WFDC1: variants seen among roughly 807,000 people sequenced by gnomAD.
WFDC1 encodes WAP four-disulfide core domain protein 1.
Under a neutral mutation model 32.9 loss-of-function variants are expected in WFDC1, and 39 were observed. The observed-to-expected ratio is 1.19, with a 90% CI of 0.92 to 1.55. The LOEUF is 1.55. Ranked by LOEUF, WFDC1 falls within the 40% of genes most tolerant of loss-of-function variation. The pLI, the probability that WFDC1 is intolerant of heterozygous loss-of-function variation, is 0.00. For missense variants in WFDC1, 386 were observed against 309.5 expected, an observed-to-expected ratio of 1.25 and a Z score of -1.85; for synonymous variants, 184 against 137.4, an observed-to-expected ratio of 1.34 and a Z score of -2.37.
intron 1 of WFDC1, among the ~76,000 whole-genome samples, chr16:84,303,021 CTTT>C (rs35785853): frequency 2.4e-4 from 33 of 135,044 alleles, no homozygotes; most frequent in Admixed American, 3.8e-4. Flanking sequence ...TTCTTTCTTT[CTTT>C]TTTTTTTTTT....
chr16:84,297,389 G>A (rs939420336), intron 1 of WFDC1, among the ~76,000 whole-genome samples: 6 of 152,068 alleles, frequency 3.9e-5, no homozygotes, highest in East Asian at 1.9e-4. Context: ...AGGCCGAGGC[G>A]GGTGGATCAC....
chr16:84,318,062 G>A, intron 2 of WFDC1: 1 of 538,386 alleles, frequency 1.9e-6, no homozygotes, highest in Non-Finnish European at 3.4e-6. Flanking sequence ...AGGCAGGGAA[G>A]GCTAGTCCCC....
At chr16:84,326,129 CCATT>C (rs1908585934) in intron 5 of WFDC1, 2 of 127,986 alleles carry the variant, frequency 1.6e-5, no homozygotes, top group South Asian at 5.2e-4. Context: ...ATCCATCCAT[CCATT>C]CATCTACCCA....
At position 84,326,907 on chromosome 16, in the gene WFDC1, A is replaced by G; in HGVS notation, c.630A>G (p.Glu210=). The G allele has an allele frequency of 1.2e-6, 2 of 1,614,122 alleles. No homozygotes were observed. The highest frequency in any genetic ancestry group is 1.7e-6 in the Non-Finnish European group (2 of 1,180,026). The change falls in exon 6 of 7, where the codon GAA becomes GAG. Residue 210 remains glutamate, a synonymous_variant. Transcript: ENST00000219454. ...YPEGDSKNVA[E]PGRGQQKHFQ ...AAGGTGACTCAAAGAATGTGGCAGA[A>G]CCTGGAAGGGGACAACAGAAGCACT...
At chr16:84,311,695 C>CTTTT (rs67144104) in intron 1 of WFDC1, among the ~76,000 whole-genome samples, 2,193 of 73,414 alleles carry the variant, frequency 0.03, 164 homozygotes, top group Non-Finnish European at 0.042. Flanking sequence ...TGCCTGACTG[C>CTTTT]TTTTTTTTTT....
intron 4 of WFDC1, among the ~76,000 whole-genome samples, chr16:84,323,941 C>T (rs1255160085): frequency 1.1e-4 from 17 of 152,136 alleles, no homozygotes; most frequent in African/African-American, 3.1e-4. Flanking sequence ...ACCAACATGG[C>T]GATACCCCAT....
chr16:84,308,781 C>T (rs1230641746), intron 1 of WFDC1, among the ~76,000 whole-genome samples: 1 of 151,978 alleles, frequency 6.6e-6, no homozygotes, highest in Non-Finnish European at 1.5e-5. Context: ...GTGTAGACGC[C>T]ATGCTGAGTG....
At position 84,318,358 on chromosome 16, in the gene WFDC1, A is replaced by G; in HGVS notation, c.421+3A>G. Reference sequence around the variant, plus strand: ...TGGCCCTGAGGAGGTGTTACAAGGTACCTGCCGGGTAAAGCCCAGACCCTA... The same window carrying G: ...TGGCCCTGAGGAGGTGTTACAAGGTGCCTGCCGGGTAAAGCCCAGACCCTA... On this transcript the variant is annotated splice_donor_region_variant and intron_variant, in intron 3 of 6. Coordinates refer to ENST00000219454, the MANE Select transcript of WFDC1 (RefSeq NM_021197.4). The G allele has an allele frequency of 6.2e-7, 1 of 1,613,860 alleles. No individual in the cohort carries two copies. Among genetic ancestry groups the G allele is most frequent in the Non-Finnish European group, 8.5e-7 (1 of 1,179,854 alleles).
rs1349125172 is a variant in WFDC1, at chr16:84,313,084, C to G, written c.268C>G (p.Pro90Ala). Residue 90 changes from proline (P) to alanine (A), a missense_variant, in exon 2 of 7, where the codon CCG becomes GCG. Transcript: ENST00000219454. ...GCGCTGTCAGGCGGACTCCGAGTGC[C>G]CGCGGCACCGGCGCTGCTGCTACAA... is the stretch of plus-strand genomic sequence containing the variant. Reference protein sequence around the residue: ...AARCQADSECPRHRRCCYNGC... With the variant: ...AARCQADSECARHRRCCYNGC... 2.8e-6 allele frequency: 4 copies of G among 1,426,492 alleles called. No homozygotes were observed. In the African/African-American group the frequency reaches 6.0e-5, roughly 21 times the overall value. The allele number at this position is 1,426,492 out of a possible 1,614,324, so 88.4% of individuals were successfully genotyped here. A position where few individuals can be genotyped will look rare whatever the true frequency, so the allele number is the denominator to read the frequency against.
chr16:84,316,170 G>A (rs1907936845), intron 2 of WFDC1: 1 of 152,240 alleles, frequency 6.6e-6, no homozygotes, highest in Non-Finnish European at 1.5e-5. Flanking sequence ...TATAGAGGCT[G>A]AAGAACCATC....
rs78268979 is a variant in WFDC1, at chr16:84,298,444, G to A, written c.144+3329G>A. Among the ~76,000 whole-genome samples the A allele has an allele frequency of 8.5e-3, 1,298 of 152,274 alleles. 14 individuals are homozygous for A. The highest frequency in any genetic ancestry group is 0.014 in the Non-Finnish European group (979 of 68,022). ...CATCACTTTCCAATTGTATTGCTCCGTTTTGCTATTCTCTTGGCTCCTGGG... is the reference window on the plus strand; with the variant it reads ...CATCACTTTCCAATTGTATTGCTCCATTTTGCTATTCTCTTGGCTCCTGGG... On this transcript the variant is annotated intron_variant, in intron 1 of 6. Transcript: ENST00000219454.
intron 1 of WFDC1, among the ~76,000 whole-genome samples, chr16:84,298,033 C>A (rs1293293546): frequency 6.6e-6 from 1 of 152,182 alleles, no homozygotes; most frequent in African/African-American, 2.4e-5. Context: ...GCTGAACTGG[C>A]TTGCACCCCC....
rs1318376271 is a variant in WFDC1, at chr16:84,306,043, TAATAAA to T, written c.145-6916_145-6911del. Among the ~76,000 whole-genome samples the T allele has an allele frequency of 2.4e-3, 315 of 132,324 alleles. 2 individuals are homozygous for T. The highest frequency in any genetic ancestry group is 9.2e-3 in the African/African-American group (296 of 32,072). 86.8% of individuals were successfully genotyped at this position (132,324 alleles called of 152,430 possible). ...ATAATAATAATAATAATAATAATAA[TAATAAA>T]AGGAATAAAAATCAGGTGAACTATG... is the stretch of plus-strand genomic sequence containing the variant. On this transcript the variant is annotated intron_variant, in intron 1 of 6. Coordinates refer to ENST00000219454, the MANE Select transcript of WFDC1 (RefSeq NM_021197.4).
chr16:84,314,254 G>A (rs1034806393), intron 2 of WFDC1, among the ~76,000 whole-genome samples: 1 of 152,172 alleles, frequency 6.6e-6, no homozygotes, highest in Non-Finnish European at 1.5e-5. Flanking sequence ...GGTTTGGGAA[G>A]GGAAGGAGGT....
chr16:84,306,280 C>G (rs1348136718), intron 1 of WFDC1, among the ~76,000 whole-genome samples: 1 of 152,174 alleles, frequency 6.6e-6, no homozygotes, highest in Non-Finnish European at 1.5e-5. Flanking sequence ...AATCCCTGTG[C>G]AAAGCAGCCT....
At chr16:84,319,293 G>A (rs901858206) in intron 3 of WFDC1, 138 bp from the exon 4 acceptor site, 2 of 1,198,080 alleles carry the variant, frequency 1.7e-6, no homozygotes, top group East Asian at 2.5e-5. Flanking sequence ...CCTGGAACCT[G>A]GGGTACAGAG....
chr16:84,308,938 G>T (rs925800643), intron 1 of WFDC1, among the ~76,000 whole-genome samples: 2 of 152,152 alleles, frequency 1.3e-5, no homozygotes, highest in Non-Finnish European at 2.9e-5. Flanking sequence ...CCTGGGTGTA[G>T]ACACCATCCT....
intron 1 of WFDC1, among the ~76,000 whole-genome samples, chr16:84,300,911 G>A (rs1245095255): frequency 2.0e-5 from 3 of 151,954 alleles, no homozygotes; most frequent in East Asian, 1.9e-4. Context: ...CGAGGTGGAC[G>A]TTGCAGTGAG....
intron 1 of WFDC1, among the ~76,000 whole-genome samples, chr16:84,303,257 C>T (rs1292916668): frequency 1.3e-5 from 2 of 152,070 alleles, no homozygotes; most frequent in Non-Finnish European, 2.9e-5. Context: ...CTCCACCACG[C>T]AAACCAGTGC....
Sources: gnomAD v4.1 joint callset for allele counts (sites outside exome capture counted in the v4.1 genomes callset) on GRCh38, gnomAD v4.1.1 for gene constraint, MANE v1.5 for transcripts, NCBI Gene and HGNC (gene_info 2026-07-23, HGNC 2026-07-21) for gene names.